UBE2L5: variants seen among roughly 807,000 people sequenced by gnomAD.
UBE2L5 encodes the protein ubiquitin conjugating enzyme E2 L5, also known as ubiquitin-conjugating enzyme E2 L5.
A neutral mutation model predicts 10.0 loss-of-function variants in UBE2L5; 3 were observed. That is an observed-to-expected ratio of 0.30 (90% CI 0.14 to 0.78). The LOEUF (loss-of-function observed/expected upper bound fraction) is 0.78. UBE2L5 is among the 30% of genes least tolerant of loss of function. UBE2L5 has a pLI of 0.65. For synonymous variants in UBE2L5, 60 were observed against 71.9 expected (o/e 0.83, Z 0.83); for missense variants, 131 against 193.3 (o/e 0.68, Z 1.91).
intron 1 of UBE2L5, among the ~76,000 whole-genome samples, chr13:30,424,171 G>A (rs1376630303): frequency 6.6e-6 from 1 of 152,182 alleles, no homozygotes; most frequent in African/African-American, 2.4e-5. Flanking sequence ...GAGGGTGACA[G>A]TCTGTACCTC....
At chr13:30,426,002 G>A (rs527837965) in intron 2 of UBE2L5, among the ~76,000 whole-genome samples, 1 of 150,246 alleles carries the variant, frequency 6.7e-6, no homozygotes, top group South Asian at 2.1e-4. Flanking sequence ...TGATAAGAAT[G>A]AAACTCCATC....
intron 1 of UBE2L5, among the ~76,000 whole-genome samples, chr13:30,423,996 C>G (rs764215678): frequency 1.3e-5 from 2 of 152,210 alleles, no homozygotes; most frequent in African/African-American, 4.8e-5. Context: ...TCTTCCAGAC[C>G]TGTTTGGCCT....
In UBE2L5 at chr13:30,429,278, T is replaced by A. The variant is rs1383406388; in HGVS notation, c.*823T>A. ...CCAGCCTGGGCAACAAGAGCAAAACTCTGTCCCCCCCCCACAAAAAAAAAT... is the reference window on the plus strand; with the variant it reads ...CCAGCCTGGGCAACAAGAGCAAAACACTGTCCCCCCCCCACAAAAAAAAAT... On this transcript the variant is annotated 3_prime_UTR_variant, in exon 4 of 4. Coordinates refer to ENST00000635918, the MANE Select transcript of UBE2L5 (RefSeq NM_001355247.2). Among the ~76,000 whole-genome samples the A allele has an allele frequency of 1.3e-5, 2 of 151,036 alleles. No individual in the cohort carries two copies. Among genetic ancestry groups the A allele is most frequent in the African/African-American group, 2.5e-5 (1 of 40,606 alleles).
intron 2 of UBE2L5, among the ~76,000 whole-genome samples, chr13:30,425,513 C>T (rs1452299279): frequency 6.6e-6 from 1 of 152,232 alleles, no homozygotes; most frequent in Non-Finnish European, 1.5e-5. Context: ...CCATTCAATA[C>T]CATCTCTAAT....
rs1885578170 is a variant in UBE2L5 at position 30,428,778 on chromosome 13, C to G, written c.*323C>G. Among the ~76,000 whole-genome samples, 1 of 150,242 alleles carries G rather than the reference C, an allele frequency of 6.7e-6. No homozygotes were observed. The highest frequency in any genetic ancestry group is 2.1e-4 in the South Asian group (1 of 4,762). ...GAGTTCAGACATCAGGATGTTGACA[C>G]AGTGTCCTACCAGAACCCAGGGTTT... On this transcript the variant is annotated 3_prime_UTR_variant, in exon 4 of 4. Coordinates refer to ENST00000635918, the MANE Select transcript of UBE2L5 (RefSeq NM_001355247.2).
In UBE2L5 at chr13:30,427,654, G is replaced by A. The variant is rs570461650; in HGVS notation, c.-337G>A. 1 of 272,026 alleles carries A rather than the reference G, an allele frequency of 3.7e-6. No individual in the cohort carries two copies. The highest frequency in any genetic ancestry group is 2.2e-5 in the African/African-American group (1 of 44,708). The allele number at this position is 272,026 out of a possible 1,614,324, so 16.9% of individuals were successfully genotyped here. Reference sequence around the variant, plus strand: ...GTCTCTACTAAAAATACAAAAAAAAGTTAGCTGTGCATGGTGGCACGTGCC... The same window carrying A: ...GTCTCTACTAAAAATACAAAAAAAAATTAGCTGTGCATGGTGGCACGTGCC... On this transcript the variant is annotated 5_prime_UTR_variant, in exon 4 of 4. Transcript: ENST00000635918.
rs897672432 is a variant in UBE2L5 at position 30,428,941 on chromosome 13, T to G, written c.*486T>G. Among the ~76,000 whole-genome samples, 1 of 151,692 alleles carries G rather than the reference T, an allele frequency of 6.6e-6. No homozygotes were observed. Among genetic ancestry groups the G allele is most frequent in the Non-Finnish European group, 1.5e-5 (1 of 67,966 alleles). On this transcript the variant is annotated 3_prime_UTR_variant, in exon 4 of 4. Coordinates refer to ENST00000635918, the MANE Select transcript of UBE2L5 (RefSeq NM_001355247.2). The stretch of plus-strand genomic sequence containing the variant: ...GAGTCGTAGGAAATCCATTTTTGTT[T>G]TAATTGATGTTTCCCGTTGAACTGA...
intron 1 of UBE2L5, among the ~76,000 whole-genome samples, chr13:30,424,573 A>G (rs1242841798): frequency 6.6e-6 from 1 of 152,192 alleles, no homozygotes; most frequent in Non-Finnish European, 1.5e-5. Flanking sequence ...CTTGCCATTC[A>G]GTGTAAAGCA....
intron 2 of UBE2L5, 62 bp downstream of exon 2, chr13:30,424,963 G>A (rs915090890): frequency 6.6e-6 from 1 of 152,312 alleles, no homozygotes; most frequent in Non-Finnish European, 1.5e-5. Flanking sequence ...GGTCTGTGTT[G>A]CCCAGGCTGG....
intron 1 of UBE2L5, among the ~76,000 whole-genome samples, chr13:30,424,460 T>A (rs1195721387): frequency 6.6e-6 from 1 of 152,182 alleles, no homozygotes. Flanking sequence ...CACAACATGA[T>A]GTCCTAGTTT....
chr13:30,427,155 GT>G (rs965048840), intron 3 of UBE2L5: 10 of 152,116 alleles, frequency 6.6e-5, no homozygotes, highest in African/African-American at 2.4e-4. Context: ...ATTCTACAAA[GT>G]GAGTTATATC....
In UBE2L5 at chr13:30,428,099, G is replaced by C; in HGVS notation, c.109G>C (p.Gly37Arg). 1 of 1,610,942 alleles carries C rather than the reference G, an allele frequency of 6.2e-7. No homozygotes were observed. The change falls in exon 4 of 4, where the codon GGG becomes CGG. Residue 37 changes from glycine to arginine, a missense_variant. Gly to Arg is a moderately radical substitution (Grantham distance 125). Coordinates refer to ENST00000635918, the MANE Select transcript of UBE2L5 (RefSeq NM_001355247.2). ...VDEANLLTWQ[G>R]LIVPDNPPYN... ...TGAAGCTAATTTATTGACTTGGCAA[G>C]GGCTTATTGTTCCTGACAACCCTCC...
intron 1 of UBE2L5, among the ~76,000 whole-genome samples, chr13:30,424,185 A>G (rs937804521): frequency 3.3e-5 from 5 of 152,282 alleles, no homozygotes; most frequent in African/African-American, 9.6e-5. Flanking sequence ...GTACCTCTCC[A>G]GCTGTCTTCC....
chr13:30,428,468 T>C lies in UBE2L5; in HGVS notation c.*13T>C. On this transcript the variant is annotated 3_prime_UTR_variant, in exon 4 of 4. Transcript: ENST00000635918. ...ACCTGTGGACTAAAATGTGCCACGATTGGTTCCAGCAAGTGTGAGCAGAGA... is the reference window on the plus strand; with the variant it reads ...ACCTGTGGACTAAAATGTGCCACGACTGGTTCCAGCAAGTGTGAGCAGAGA... The C allele has an allele frequency of 6.2e-7, 1 of 1,610,830 alleles. No homozygotes were observed.
chr13:30,424,172 TC>T (rs2137357702), intron 1 of UBE2L5, among the ~76,000 whole-genome samples: 1 of 152,242 alleles, frequency 6.6e-6, no homozygotes, highest in East Asian at 1.9e-4. Context: ...AGGGTGACAG[TC>T]TGTACCTCTC....
intron 2 of UBE2L5, among the ~76,000 whole-genome samples, chr13:30,426,221 G>C (rs1593238990): frequency 6.6e-6 from 1 of 152,270 alleles, no homozygotes; most frequent in East Asian, 1.9e-4. Context: ...TAAGGCAGGA[G>C]AATCGCTTGA....
At chr13:30,424,067 A>G (rs919202894) in intron 1 of UBE2L5, among the ~76,000 whole-genome samples, 2 of 152,182 alleles carry the variant, frequency 1.3e-5, no homozygotes, top group African/African-American at 2.4e-5. Flanking sequence ...TAAGTTTCAC[A>G]TGGAAAGCTG....
At chr13:30,423,862 A>G (rs1885501760) in intron 1 of UBE2L5, among the ~76,000 whole-genome samples, 1 of 152,206 alleles carries the variant, frequency 6.6e-6, no homozygotes, top group Admixed American at 6.5e-5. Context: ...AGATGCACAG[A>G]CAGGTTCTGA....
At chr13:30,424,398 T>A (rs1442733573) in intron 1 of UBE2L5, among the ~76,000 whole-genome samples, 1 of 152,196 alleles carries the variant, frequency 6.6e-6, no homozygotes, top group Non-Finnish European at 1.5e-5. Context: ...TGGAGATTCC[T>A]TTAGGCAGAT....
Sources: gnomAD v4.1 joint callset for allele counts (sites outside exome capture counted in the v4.1 genomes callset) on GRCh38, gnomAD v4.1.1 for gene constraint, MANE v1.5 for transcripts, NCBI Gene and HGNC (gene_info 2026-07-23, HGNC 2026-07-21) for gene names.